Variants in IFFO2 observed in about 807,000 individuals in gnomAD.
IFFO2 encodes the protein intermediate filament family orphan 2.
In IFFO2, 19 loss-of-function variants were observed where a neutral mutation model predicts 53.5. The observed-to-expected ratio is 0.36, with a 90% CI of 0.25 to 0.52. The LOEUF (loss-of-function observed/expected upper bound fraction) is 0.52, where lower values mean the gene tolerates loss of function less well. Among genes scored for constraint, IFFO2 ranks in the 20% least tolerant of loss-of-function variants. The probability of loss-of-function intolerance (pLI) is 0.94; values close to 1 mark genes in which losing one functional copy is unlikely to be tolerated. For synonymous variants in IFFO2, 303 were observed against 313.6 expected, an observed-to-expected ratio of 0.97 and a Z score of 0.36; for missense variants, 570 against 727.4, an observed-to-expected ratio of 0.78 and a Z score of 2.49.
chr1:18,937,362 G>A (rs1359764502), intron 1 of IFFO2, among the ~76,000 whole-genome samples: 6 of 152,320 alleles, frequency 3.9e-5, no homozygotes, highest in African/African-American at 1.4e-4. Context: ...AAAAGAATTA[G>A]TGACTAAATA....
intron 1 of IFFO2, among the ~76,000 whole-genome samples, chr1:18,939,810 C>T (rs115102866): frequency 0.01 from 1,580 of 152,264 alleles, 33 homozygotes; most frequent in African/African-American, 0.036. Context: ...CATGGTTAGA[C>T]ACCAGGAAGC....
chr1:18,950,370 G>GGA (rs1936644889), intron 1 of IFFO2, among the ~76,000 whole-genome samples: 1 of 152,202 alleles, frequency 6.6e-6, no homozygotes, highest in Non-Finnish European at 1.5e-5. Flanking sequence ...GGGCTGGGGT[G>GGA]GAGGTAGGTA....
chr1:18,934,366 C>A (rs999478406), intron 1 of IFFO2, among the ~76,000 whole-genome samples: 1 of 152,194 alleles, frequency 6.6e-6, no homozygotes, highest in African/African-American at 2.4e-5. Flanking sequence ...GCCACCGCGC[C>A]CAGCCTGGCT....
At position 18,956,317 on chromosome 1, in the gene IFFO2, G is replaced by A; in HGVS notation, c.16C>T (p.Leu6=). Residue 6 remains leucine, a synonymous_variant, in exon 1 of 9, where the codon CTG becomes TTG. Coordinates refer to ENST00000455833, the MANE Select transcript of IFFO2 (RefSeq NM_001136265.2). The surrounding 1 kb of genome is among the most constrained non-coding windows in gnomAD (Gnocchi z 6.4). ...AAGGCCAAGGCCATCTCCCCGAACA[G>A]CAGCGAGTTCACCATGCGCCGGCTG... MVNSL[L]FGEMALAFGC... is the part of the protein sequence containing the mutation. The A allele has an allele frequency of 2.4e-6, 1 of 409,870 alleles. No homozygotes were observed. Among genetic ancestry groups the A allele is most frequent in the Non-Finnish European group, 3.6e-6 (1 of 277,792 alleles). 25.4% of individuals were successfully genotyped at this position (409,870 alleles called of 1,614,324 possible).
chr1:18,929,802 C>T (rs1042198671), intron 1 of IFFO2, among the ~76,000 whole-genome samples: 26 of 152,214 alleles, frequency 1.7e-4, no homozygotes, highest in African/African-American at 6.3e-4. Context: ...CAGCTGGCTC[C>T]GTGATCTTGG....
intron 1 of IFFO2, among the ~76,000 whole-genome samples, chr1:18,925,055 A>G (rs541281920): frequency 1.4e-4 from 22 of 152,090 alleles, no homozygotes; most frequent in Non-Finnish European, 2.5e-4. Context: ...CCAACAGCTC[A>G]TAAAACTTCC....
At chr1:18,925,850 G>T (rs1569847177) in intron 1 of IFFO2, among the ~76,000 whole-genome samples, 5 of 39,178 alleles carry the variant, frequency 1.3e-4, no homozygotes, top group East Asian at 9.5e-4. Context: ...ATGGATGGAT[G>T]GATTGGTTGG....
At position 18,956,251 on chromosome 1, in the gene IFFO2, C is replaced by T; in HGVS notation, c.82G>A (p.Gly28Arg). 2.7e-6 allele frequency: 3 copies of T among 1,103,742 alleles called. No individual in the cohort carries two copies. Among genetic ancestry groups the T allele is most frequent in the Non-Finnish European group, 3.4e-6 (3 of 881,586 alleles). 68.4% of individuals were successfully genotyped at this position (1,103,742 alleles called of 1,614,324 possible). ...PGGGGGGCPGGGGGGGGAGPG... is the reference protein window; with the variant it reads ...PGGGGGGCPGRGGGGGGAGPG... ...CCTGCCCCGCCGCCGCCGCCGCCCCCGCCAGGGCAGCCCCCGCCGCCGCCG... is the reference window on the plus strand; with the variant it reads ...CCTGCCCCGCCGCCGCCGCCGCCCCTGCCAGGGCAGCCCCCGCCGCCGCCG... Residue 28 changes from glycine (G) to arginine (R), a missense_variant, in exon 1 of 9, where the codon GGG becomes AGG. Transcript: ENST00000455833. This position sits in a 1 kb window ranked among gnomAD's most constrained non-coding sequence, Gnocchi z 6.4.
chr1:18,913,780 G>T (rs1012647866), intron 5 of IFFO2, among the ~76,000 whole-genome samples: 2 of 152,072 alleles, frequency 1.3e-5, no homozygotes, highest in African/African-American at 4.8e-5. Context: ...GGGGTGGGGG[G>T]TGATCAAAGT....
At chr1:18,955,317 G>A (rs1936709474) in intron 1 of IFFO2, among the ~76,000 whole-genome samples, 1 of 152,088 alleles carries the variant, frequency 6.6e-6, no homozygotes, top group African/African-American at 2.4e-5. Flanking sequence ...TCTGCACCTC[G>A]GTTTCCTCAT....
Position 18,919,736 on chromosome 1 carries a change from T to C in IFFO2, c.764A>G (p.Asn255Ser), listed in dbSNP as rs1459445872. The C allele has an allele frequency of 3.9e-6, 6 of 1,551,612 alleles. No homozygotes were observed. The Admixed American group carries it at 1.2e-4, about 30-fold the overall frequency. ...GGCCTTGAGCCGCTCGATCTTCTCA[T>C]TCATCTCCTCCTGGATGGCATCAGC... The part of the protein sequence containing the change: ...QEADAIQEEM[N>S]EKIERLKAEL... Residue 255 changes from asparagine to serine, a missense_variant, in exon 3 of 9, where the codon AAT becomes AGT. Asn to Ser is a conservative substitution (Grantham distance 46). Transcript: ENST00000455833. The surrounding 1 kb of genome is among the most constrained non-coding windows in gnomAD (Gnocchi z 4.9).
chr1:18,936,123 A>T lies in IFFO2; in HGVS notation c.666-15002T>A, dbSNP rs1936444869. 6.6e-6 allele frequency among the ~76,000 whole-genome samples: 1 copy of T among 152,128 alleles called. No homozygotes were observed. Among genetic ancestry groups the T allele is most frequent in the Admixed American group, 6.5e-5 (1 of 15,280 alleles). On this transcript the variant is annotated intron_variant, in intron 1 of 8. Coordinates refer to ENST00000455833, the MANE Select transcript of IFFO2 (RefSeq NM_001136265.2). This position sits in a 1 kb window ranked among gnomAD's most constrained non-coding sequence, Gnocchi z 4.5. ...ATTCACTGGATTAAAAAGGCCCAGTAAGTGTCATCTCCAGGGCCTTCTCTA... is the reference window on the plus strand; with the variant it reads ...ATTCACTGGATTAAAAAGGCCCAGTTAGTGTCATCTCCAGGGCCTTCTCTA...
chr1:18,923,897 C>T (rs1252532397), intron 1 of IFFO2, among the ~76,000 whole-genome samples: 1 of 151,874 alleles, frequency 6.6e-6, no homozygotes, highest in African/African-American at 2.4e-5. Context: ...CCCTTCCTGC[C>T]CCGAGTTCTG....
At chr1:18,954,449 G>A (rs1013756530) in intron 1 of IFFO2, among the ~76,000 whole-genome samples, 2 of 152,210 alleles carry the variant, frequency 1.3e-5, no homozygotes, top group Non-Finnish European at 2.9e-5. Context: ...GGGAGAATAC[G>A]GAAGGAGACC....
intron 1 of IFFO2, among the ~76,000 whole-genome samples, chr1:18,931,002 C>T (rs370564064): frequency 4.1e-4 from 62 of 152,250 alleles, no homozygotes; most frequent in African/African-American, 1.4e-3. Context: ...GAGATCCCAT[C>T]CCTACAAAAA....
intron 1 of IFFO2, among the ~76,000 whole-genome samples, chr1:18,926,941 C>T (rs558354051): frequency 2.9e-4 from 44 of 152,296 alleles, no homozygotes; most frequent in African/African-American, 9.1e-4. Context: ...CCTCCAGGGA[C>T]GAACCTGGGG....
rs1936169812 is a variant in IFFO2 at position 18,918,605 on chromosome 1, G to A, written c.823-103C>T. 10 of 1,263,850 alleles carry A rather than the reference G, an allele frequency of 7.9e-6. No homozygotes were observed. Among genetic ancestry groups the A allele is most frequent in the South Asian group, 5.6e-5 (4 of 71,858 alleles). 78.3% of individuals were successfully genotyped at this position (1,263,850 alleles called of 1,614,324 possible). Reference sequence around the variant, plus strand: ...CCCTAGGTGTCAGCAGGGGTGGTGCGGGGAGGCCTCCAGAGTCCGAGGGTG... The same window carrying A: ...CCCTAGGTGTCAGCAGGGGTGGTGCAGGGAGGCCTCCAGAGTCCGAGGGTG... On this transcript the variant is annotated intron_variant, in intron 3 of 8. Coordinates refer to ENST00000455833, the MANE Select transcript of IFFO2 (RefSeq NM_001136265.2). The surrounding 1 kb of genome is among the most constrained non-coding windows in gnomAD (Gnocchi z 5.2).
chr1:18,941,651 T>C (rs1373667923), intron 1 of IFFO2, among the ~76,000 whole-genome samples: 1 of 152,184 alleles, frequency 6.6e-6, no homozygotes, highest in Non-Finnish European at 1.5e-5. Context: ...TTCCCCTATC[T>C]CAGCCTGCCA....
chr1:18,935,550 C>G (rs1423851314), intron 1 of IFFO2, among the ~76,000 whole-genome samples: 1 of 152,126 alleles, frequency 6.6e-6, no homozygotes, highest in Admixed American at 6.5e-5. Flanking sequence ...AGCTTATAAC[C>G]CCCTCCAGGA....
Sources: allele counts gnomAD v4.1 joint callset (sites outside exome capture counted in the v4.1 genomes callset), GRCh38; gene constraint gnomAD v4.1.1; non-coding constraint Gnocchi (gnomAD v3.1); transcripts MANE v1.5; gene names NCBI Gene and HGNC (gene_info 2026-07-23, HGNC 2026-07-21).